ZCWPW1: variants seen among roughly 807,000 people sequenced by gnomAD.
The protein encoded by ZCWPW1 is zinc finger CW-type and PWWP domain containing 1.
A neutral mutation model predicts 81.3 loss-of-function variants in ZCWPW1; 56 were observed. The ratio of observed to expected loss-of-function variants is 0.69; its 90% CI spans 0.56 to 0.86. ZCWPW1 has a LOEUF of 0.86. Among genes scored for constraint, ZCWPW1 ranks in the 40% least tolerant of loss-of-function variants. The pLI is 0.00. For synonymous variants in ZCWPW1, 250 were observed against 273.7 expected, an observed-to-expected ratio of 0.91 and a Z score of 0.86; for missense variants, 650 against 769.8, an observed-to-expected ratio of 0.84 and a Z score of 1.84.
At chr7:100,418,941 T>C in intron 5 of ZCWPW1, 170 bp downstream of exon 5, 9 of 504,450 alleles carry the variant, frequency 1.8e-5, no homozygotes, top group Non-Finnish European at 2.8e-5. Context: ...GGTTTAGCTA[T>C]AGTCCTGTTG....
chr7:100,428,382 C>A (rs1353488506), intron 1 of ZCWPW1, among the ~76,000 whole-genome samples, 186 bp downstream of exon 1: 1 of 152,244 alleles, frequency 6.6e-6, no homozygotes, highest in Non-Finnish European at 1.5e-5. Context: ...CATCTTCCAC[C>A]CGAACGTCCC....
At position 100,419,723 on chromosome 7, in the gene ZCWPW1, T is replaced by C. The variant is rs1487572321; in HGVS notation, c.189A>G (p.Lys63=). ...ISLPKASLKK[K]EEKATMKNVP... is the part of the protein sequence containing the mutation. Reference sequence around the variant, plus strand: ...CATTCTTCATGGTTGCTTTTTCCTCTTTCTTCTTTAAACTGGCCTTTGGCA... The same window carrying C: ...CATTCTTCATGGTTGCTTTTTCCTCCTTCTTCTTTAAACTGGCCTTTGGCA... Residue 63 remains lysine, a synonymous_variant, in exon 4 of 18, where the codon AAA becomes AAG. Coordinates refer to ENST00000684423, the MANE Select transcript of ZCWPW1 (RefSeq NM_001386010.1). 17 of 1,614,046 alleles carry C rather than the reference T, an allele frequency of 1.1e-5. No individual in the cohort carries two copies. Among genetic ancestry groups the C allele is most frequent in the Admixed American group, 5.0e-5 (3 of 59,992 alleles).
At chr7:100,418,252 G>T (rs1038943287) in intron 5 of ZCWPW1, among the ~76,000 whole-genome samples, 1 of 152,162 alleles carries the variant, frequency 6.6e-6, no homozygotes, top group Admixed American at 6.5e-5. Flanking sequence ...ATTAGAAACT[G>T]AAATTTGCAA....
intron 12 of ZCWPW1, 137 bp from the exon 13 acceptor site, chr7:100,405,230 C>T (rs2130431092): frequency 4.5e-6 from 3 of 666,856 alleles, no homozygotes; most frequent in South Asian, 3.1e-5. Context: ...GAGTTCAACA[C>T]CAGCCTGGCC....
intron 8 of ZCWPW1, among the ~76,000 whole-genome samples, chr7:100,415,560 CTT>C (rs1277576396): frequency 6.6e-6 from 1 of 152,182 alleles, no homozygotes; most frequent in African/African-American, 2.4e-5. Flanking sequence ...TGTTTATCCT[CTT>C]TGATTTCTTT....
At chr7:100,426,284 A>C (rs1314235304) in intron 1 of ZCWPW1, among the ~76,000 whole-genome samples, 1 of 152,206 alleles carries the variant, frequency 6.6e-6, no homozygotes, top group Non-Finnish European at 1.5e-5. Flanking sequence ...ACCTAAGGTC[A>C]GGAGTTCAAG....
At chr7:100,419,544 G>A (rs2130798630) in intron 4 of ZCWPW1, 86 bp downstream of exon 4, 1 of 1,513,128 alleles carries the variant, frequency 6.6e-7, no homozygotes, top group Non-Finnish European at 8.8e-7. Flanking sequence ...AATTTCCCCA[G>A]TGTGAAAAGA....
At chr7:100,419,252 G>C in intron 4 of ZCWPW1, 63 bp from the exon 5 acceptor site, 1 of 1,442,080 alleles carries the variant, frequency 6.9e-7, no homozygotes, top group South Asian at 1.2e-5. Flanking sequence ...CCTCTGAACA[G>C]TCAGGGAAGC....
chr7:100,424,584 C>A (rs924550491), intron 2 of ZCWPW1, among the ~76,000 whole-genome samples: 4 of 152,062 alleles, frequency 2.6e-5, no homozygotes, highest in Admixed American at 2.0e-4. Flanking sequence ...GCCTCAGCCT[C>A]CCGAGTAGCT....
At chr7:100,402,416 A>C (rs1338579519) in intron 16 of ZCWPW1, 100 bp downstream of exon 16, 1 of 1,299,964 alleles carries the variant, frequency 7.7e-7, no homozygotes, top group Non-Finnish European at 1.1e-6. Context: ...AGGTCCTGGC[A>C]CTGAGATGGG....
intron 15 of ZCWPW1, 128 bp from the exon 16 acceptor site, chr7:100,402,704 T>G (rs1792175628): frequency 1.1e-6 from 1 of 943,846 alleles, no homozygotes. Context: ...AGCCTGATAT[T>G]GTTTAAATTT....
chr7:100,416,287 A>G lies in ZCWPW1; in HGVS notation c.631+18T>C, dbSNP rs376275295. ...TAGTACTTGAGCCAGGCTTCAAAGT[A>G]TATCTGACTGTACTTACGAGCTTCC... On this transcript the variant is annotated intron_variant, in intron 7 of 17. Transcript: ENST00000684423. 576 of 1,612,986 alleles carry G rather than the reference A, an allele frequency of 3.6e-4. No homozygotes were observed. Among genetic ancestry groups the G allele is most frequent in the Non-Finnish European group, 4.6e-4 (541 of 1,179,650 alleles).
At chr7:100,409,568 A>G in intron 8 of ZCWPW1, 24 bp from the exon 9 acceptor site, 1 of 1,544,358 alleles carries the variant, frequency 6.5e-7, no homozygotes, top group Non-Finnish European at 8.9e-7. Context: ...AAAATGAAAT[A>G]AGAGACTTAA....
At chr7:100,426,850 CT>C (rs1198758153) in intron 1 of ZCWPW1, among the ~76,000 whole-genome samples, 1 of 82,272 alleles carries the variant, frequency 1.2e-5, no homozygotes, top group Admixed American at 1.2e-4. Context: ...TTTCCTCCCC[CT>C]CTCCTTCCTA....
rs1791744482 is a variant in ZCWPW1, at chr7:100,400,936, G to C, written c.*78C>G. On this transcript the variant is annotated 3_prime_UTR_variant, in exon 18 of 18. Coordinates refer to ENST00000684423, the MANE Select transcript of ZCWPW1 (RefSeq NM_001386010.1). The stretch of plus-strand genomic sequence containing the variant: ...CACACATTTGAACCTCATAGCCAAT[G>C]AACAGACCCAGCACTTAGCAACTTC... 7.0e-7 allele frequency: 1 copy of C among 1,430,064 alleles called. No individual in the cohort carries two copies. The allele number at this position is 1,430,064 out of a possible 1,614,324, so 88.6% of individuals were successfully genotyped here. A position where few individuals can be genotyped will look rare whatever the true frequency, so the allele number is the denominator to read the frequency against.
rs1420206330 is a variant in ZCWPW1 at position 100,419,878 on chromosome 7, C to T, written c.34G>A (p.Gly12Arg). 9 of 1,567,168 alleles carry T rather than the reference C, an allele frequency of 5.7e-6. No individual in the cohort carries two copies. Among genetic ancestry groups the T allele is most frequent in the African/African-American group, 2.8e-5 (2 of 72,342 alleles). ...MTTLQNKEECGKGPKRIFAPP... is the reference protein window; with the variant it reads ...MTTLQNKEECRKGPKRIFAPP... The stretch of plus-strand genomic sequence containing the variant: ...GCAAAGATTCTCTTTGGTCCCTTTC[C>T]ACATTCTGAAAGAAATGTGATCAAG... Residue 12 changes from glycine to arginine, a missense_variant, in exon 4 of 18, where the codon GGA becomes AGA. Physicochemically the swap from Gly to Arg is moderately radical, Grantham distance 125. Transcript: ENST00000684423.
intron 6 of ZCWPW1, 97 bp downstream of exon 6, chr7:100,416,969 T>G: frequency 1.1e-6 from 1 of 922,320 alleles, no homozygotes; most frequent in Non-Finnish European, 1.6e-6. Flanking sequence ...AAAAGAAATA[T>G]GATAAATGAC....
At chr7:100,402,757 T>C (rs1365443238) in intron 15 of ZCWPW1, among the ~76,000 whole-genome samples, 181 bp from the exon 16 acceptor site, 2 of 152,052 alleles carry the variant, frequency 1.3e-5, no homozygotes, top group African/African-American at 2.4e-5. Flanking sequence ...TCCCAGTCTG[T>C]TGGTATTCAT....
rs775050842 is a variant in ZCWPW1, at chr7:100,419,181, T to C, written c.291A>G (p.Ser97=). The change falls in exon 5 of 18, where the codon TCA becomes TCG. Residue 97 remains serine (S), a synonymous_variant. Coordinates refer to ENST00000684423, the MANE Select transcript of ZCWPW1 (RefSeq NM_001386010.1). ...KQAEKKEKEK[S]SLTNAEFEEI... is the part of the protein sequence containing the mutation. ...CCTCAAATTCTGCATTGGTAAGACTTGATTTTTCCTGCAGAGACAAGGGTA... is the reference window on the plus strand; with the variant it reads ...CCTCAAATTCTGCATTGGTAAGACTCGATTTTTCCTGCAGAGACAAGGGTA... 7.4e-6 allele frequency: 12 copies of C among 1,612,604 alleles called. No individual in the cohort carries two copies. Among genetic ancestry groups the C allele is most frequent in the South Asian group, 3.3e-5 (3 of 90,850 alleles).
Sources: gnomAD v4.1 joint callset for allele counts (sites outside exome capture counted in the v4.1 genomes callset) on GRCh38, gnomAD v4.1.1 for gene constraint, MANE v1.5 for transcripts, NCBI Gene and HGNC (gene_info 2026-07-23, HGNC 2026-07-21) for gene names.